THSD7B: variants seen among roughly 807,000 people sequenced by gnomAD.
THSD7B encodes the protein thrombospondin type 1 domain containing 7B.
A neutral mutation model predicts 213.6 loss-of-function variants in THSD7B; 138 were observed. The ratio of observed to expected loss-of-function variants is 0.65; its 90% CI spans 0.56 to 0.74. The LOEUF is 0.74. Ranked by LOEUF, THSD7B falls within the 30% of genes least tolerant of loss-of-function variation. THSD7B has a pLI of 0.00. For missense variants in THSD7B, 1,931 were observed against 1,991.5 expected (o/e 0.97, Z 0.58); for synonymous variants, 742 against 687.0 (o/e 1.08, Z -1.25).
At chr2:136,906,073 C>T (rs191781730) in intron 2 of THSD7B, among the ~76,000 whole-genome samples, 16 of 152,338 alleles carry the variant, frequency 1.1e-4, no homozygotes, top group Admixed American at 2.0e-4. Context: ...GCCTTTCACA[C>T]CTTCTGCCCT....
rs1279810628 is a variant in THSD7B, at chr2:137,450,879, A to G, written c.2994A>G (p.Pro998=). The change falls in exon 15 of 28, where the codon CCA becomes CCG. Residue 998 remains proline (P), a synonymous_variant. Transcript: ENST00000409968. ...AAGAAAAATGTGTCATTCCCTGCCC[A>G]TTTGATTGCAAGTTAAGCGATTGGT... ...YIQEKCVIPC[P]FDCKLSDWSS... 1.2e-6 allele frequency: 2 copies of G among 1,610,598 alleles called. No homozygotes were observed. The highest frequency in any genetic ancestry group is 1.7e-5 in the Admixed American group (1 of 59,432).
chr2:137,061,041 T>TA (rs1331631732), intron 3 of THSD7B, among the ~76,000 whole-genome samples: 22 of 151,832 alleles, frequency 1.4e-4, no homozygotes, highest in African/African-American at 5.1e-4. Context: ...GGAGGGTTTT[T>TA]TAAAAAAAAT....
chr2:137,658,191 A>C (rs1333893293), intron 24 of THSD7B, among the ~76,000 whole-genome samples: 1 of 152,204 alleles, frequency 6.6e-6, no homozygotes, highest in African/African-American at 2.4e-5. Flanking sequence ...TTTTTAATTT[A>C]AAGTTTATCC....
At chr2:136,925,247 T>C (rs1684503965) in intron 2 of THSD7B, among the ~76,000 whole-genome samples, 1 of 152,226 alleles carries the variant, frequency 6.6e-6, no homozygotes, top group Admixed American at 6.5e-5. Context: ...ACTGGTCTTG[T>C]TTCTTATCTT....
chr2:137,630,796 C>T (rs1028404273), intron 20 of THSD7B, among the ~76,000 whole-genome samples: 1 of 152,148 alleles, frequency 6.6e-6, no homozygotes, highest in East Asian at 1.9e-4. Flanking sequence ...GCAGAGACCA[C>T]AGGAAGAGGT....
intron 2 of THSD7B, among the ~76,000 whole-genome samples, chr2:137,008,618 G>T (rs185493013): frequency 6.6e-6 from 1 of 152,046 alleles, no homozygotes; most frequent in Admixed American, 6.6e-5. Flanking sequence ...TTGTGTGTGT[G>T]TGTTTCTATT....
chr2:137,335,301 A>C (rs1397139629), intron 12 of THSD7B, among the ~76,000 whole-genome samples: 3 of 152,212 alleles, frequency 2.0e-5, no homozygotes, highest in Non-Finnish European at 4.4e-5. Flanking sequence ...CACAAAAATA[A>C]GGTAATGAAG....
intron 1 of THSD7B, among the ~76,000 whole-genome samples, chr2:136,805,861 C>G (rs1257997126): frequency 6.6e-6 from 1 of 152,240 alleles, no homozygotes; most frequent in Non-Finnish European, 1.5e-5. Context: ...GGGGTAGTAA[C>G]AGCTCTCCTG....
intron 15 of THSD7B, among the ~76,000 whole-genome samples, chr2:137,514,422 C>A (rs758576286): frequency 7.2e-5 from 11 of 152,160 alleles, no homozygotes; most frequent in Non-Finnish European, 8.8e-5. Context: ...CATTGGACTC[C>A]AAGTTCTTCA....
At chr2:136,795,277 G>A (rs1030812600) in intron 1 of THSD7B, among the ~76,000 whole-genome samples, 3 of 151,832 alleles carry the variant, frequency 2.0e-5, no homozygotes, top group Non-Finnish European at 2.9e-5. Flanking sequence ...TCTTCTAGAG[G>A]CTCTCCACAT....
chr2:136,828,423 C>A (rs1682695596), intron 1 of THSD7B, among the ~76,000 whole-genome samples: 1 of 152,184 alleles, frequency 6.6e-6, no homozygotes, highest in Non-Finnish European at 1.5e-5. Context: ...AACATGTCAT[C>A]ATTTCTTACC....
chr2:137,646,513 G>A (rs1168604217), intron 21 of THSD7B, among the ~76,000 whole-genome samples: 2 of 148,412 alleles, frequency 1.3e-5, no homozygotes, highest in African/African-American at 5.0e-5. Flanking sequence ...AAAGCTGAGT[G>A]TGGTCGCACG....
intron 10 of THSD7B, among the ~76,000 whole-genome samples, chr2:137,257,072 C>T (rs1395809309): frequency 6.6e-6 from 1 of 152,012 alleles, no homozygotes; most frequent in Non-Finnish European, 1.5e-5. Context: ...AGCTACGGGT[C>T]CCACTCCCGT....
At chr2:137,023,729 C>A in intron 2 of THSD7B, among the ~76,000 whole-genome samples, 1 of 152,058 alleles carries the variant, frequency 6.6e-6, no homozygotes, top group East Asian at 1.9e-4. Context: ...TCAGTCCTGT[C>A]AGTAAATCGT....
At chr2:137,200,017 A>G (rs1050459964) in intron 7 of THSD7B, among the ~76,000 whole-genome samples, 1 of 152,138 alleles carries the variant, frequency 6.6e-6, no homozygotes, top group East Asian at 1.9e-4. Context: ...ACATAATTAC[A>G]TCCTTAAAAG....
Position 137,115,253 on chromosome 2 carries a change from C to G in THSD7B, c.1329C>G (p.Ala443=). The G allele has an allele frequency of 1.2e-6, 2 of 1,605,230 alleles. No individual in the cohort carries two copies. ...TCCAGACCCGGGAGGTGTACTGTGC[C>G]CAGAGCGTACCAGCAGCTGCCGCAC... ...GGIQTREVYC[A]QSVPAAAALR... is the part of the protein sequence containing the mutation. The change falls in exon 5 of 28, where the codon GCC becomes GCG. Residue 443 remains alanine, a synonymous_variant. Coordinates refer to ENST00000409968, the MANE Select transcript of THSD7B (RefSeq NM_001316349.2).
intron 2 of THSD7B, among the ~76,000 whole-genome samples, chr2:136,936,331 GAAGAA>G (rs1684727511): frequency 6.6e-6 from 1 of 152,128 alleles, no homozygotes; most frequent in South Asian, 2.1e-4. Context: ...TACCCACCCA[GAAGAA>G]AAGAAGTCAT....
intron 7 of THSD7B, among the ~76,000 whole-genome samples, chr2:137,209,519 T>C (rs1452389275): frequency 1.3e-5 from 2 of 152,082 alleles, no homozygotes; most frequent in Non-Finnish European, 2.9e-5. Context: ...ATGTAATTAC[T>C]ATTATAGCTA....
chr2:137,498,979 G>C (rs1679638952), intron 15 of THSD7B, among the ~76,000 whole-genome samples: 1 of 152,170 alleles, frequency 6.6e-6, no homozygotes, highest in Admixed American at 6.5e-5. Context: ...GCAATACTGA[G>C]TCTCCCTCAG....
Sources: gnomAD v4.1 joint callset for allele counts (sites outside exome capture counted in the v4.1 genomes callset) on GRCh38, gnomAD v4.1.1 for gene constraint, MANE v1.5 for transcripts, NCBI Gene and HGNC (gene_info 2026-07-23, HGNC 2026-07-21) for gene names.